The following STX3 variants were observed in gnomAD, a reference collection of about 807,000 sequenced individuals.
The protein encoded by STX3 is syntaxin-3.
STX3 carries 19 observed loss-of-function variants against 40.2 expected under a neutral mutation model. The observed-to-expected ratio is 0.47, with a 90% confidence interval of 0.33 to 0.69. The LOEUF (loss-of-function observed/expected upper bound fraction) is 0.69. STX3 is among the 30% of genes least tolerant of loss of function. The probability of loss-of-function intolerance (pLI) is 0.02; values close to 1 mark genes in which losing one functional copy is unlikely to be tolerated. For synonymous variants in STX3, 122 were observed against 132.2 expected, an observed-to-expected ratio of 0.92 and a Z score of 0.53; for missense variants, 364 against 366.7, an observed-to-expected ratio of 0.99 and a Z score of 0.06.
At chr11:59,781,100 T>TTTTTTTTTTTTTTATA (rs963410109) in intron 2 of STX3, among the ~76,000 whole-genome samples, 5 of 146,310 alleles carry the variant, frequency 3.4e-5, no homozygotes, top group Admixed American at 6.8e-5. Context: ...TTTTTTTTTT[T>TTTTTTTTTTTTTTATA]TATATTAGCA....
intron 2 of STX3, among the ~76,000 whole-genome samples, chr11:59,777,719 G>C (rs1258718684): frequency 6.6e-6 from 1 of 151,852 alleles, no homozygotes; most frequent in East Asian, 1.9e-4. Context: ...TCTTAGGATT[G>C]TGAGAGAGAG....
intron 2 of STX3, among the ~76,000 whole-genome samples, chr11:59,779,945 A>G (rs1864246769): frequency 6.6e-6 from 1 of 152,222 alleles, no homozygotes. Context: ...TAATTCTTTA[A>G]GTAGAATATT....
chr11:59,780,299 C>T (rs1343927000), intron 2 of STX3, among the ~76,000 whole-genome samples: 8 of 152,082 alleles, frequency 5.3e-5, no homozygotes, highest in South Asian at 4.1e-4. Context: ...TAAAAAGAGA[C>T]GTGAGAAAGA....
In STX3 at chr11:59,795,359, C is replaced by A; in HGVS notation, c.676-13C>A. ...GACGTTTACTTGGTGTGATCAGAGT[C>A]TGTTCTTTGCAGGGTGAGATGTTAG... is the stretch of plus-strand genomic sequence containing the variant. On this transcript the variant is annotated splice_polypyrimidine_tract_variant and intron_variant, in intron 8 of 10. Transcript: ENST00000337979. 1.2e-6 allele frequency: 2 copies of A among 1,606,030 alleles called. No homozygotes were observed. Among genetic ancestry groups the A allele is most frequent in the Non-Finnish European group, 1.7e-6 (2 of 1,174,762 alleles).
intron 2 of STX3, among the ~76,000 whole-genome samples, chr11:59,786,425 A>AT (rs1463606228): frequency 1.7e-5 from 2 of 116,134 alleles, no homozygotes; most frequent in Middle Eastern, 4.1e-3. Flanking sequence ...TTTTTTTTGC[A>AT]TTTTTTAGTA....
Position 59,801,923 on chromosome 11 carries a change from C to T in STX3, c.*1099C>T. The T allele has an allele frequency of 2.0e-6, 2 of 985,388 alleles. No homozygotes were observed. The highest frequency in any genetic ancestry group is 2.4e-6 in the Non-Finnish European group (2 of 829,926). 61.0% of individuals were successfully genotyped at this position (985,388 alleles called of 1,614,324 possible). On this transcript the variant is annotated 3_prime_UTR_variant, in exon 11 of 11. Coordinates refer to ENST00000337979, the MANE Select transcript of STX3 (RefSeq NM_004177.5). ...TGGAAATGTGATCTTCCCATATCAT[C>T]AAGAAACTTGTTTTCTGGATGAATA...
intron 1 of STX3, among the ~76,000 whole-genome samples, 198 bp from the exon 2 acceptor site, chr11:59,773,013 A>AC (rs397940809): frequency 2.7e-5 from 4 of 148,632 alleles, no homozygotes; most frequent in East Asian, 1.9e-4. Flanking sequence ...ACACACACAC[A>AC]ACCCAGCAAT....
chr11:59,793,179 G>T lies in STX3; in HGVS notation c.540+7G>T. The T allele has an allele frequency of 6.2e-7, 1 of 1,612,878 alleles. No individual in the cohort carries two copies. The highest frequency in any genetic ancestry group is 2.2e-5 in the East Asian group (1 of 44,866). ...GGCCATCTTCACTTCTGGGGTGAGT[G>T]CCCTGTGTGCTCGGATAGCACATCC... On this transcript the variant is annotated splice_region_variant and intron_variant, in intron 7 of 10. Coordinates refer to ENST00000337979, the MANE Select transcript of STX3 (RefSeq NM_004177.5).
Position 59,762,295 on chromosome 11 carries a change from C to T in STX3, c.30+6660C>T, listed in dbSNP as rs761643819. ...CTCCAGATGGCTGAGGACAAAGTCC[C>T]GGCAGCCAGCTGCCCAGGCACCCCT... On this transcript the variant is annotated intron_variant, in intron 1 of 10. Transcript: ENST00000337979. Among the ~76,000 whole-genome samples the T allele has an allele frequency of 1.8e-4, 27 of 152,346 alleles. 1 individual carries two copies. Among genetic ancestry groups the T allele is most frequent in the East Asian group, 7.7e-4 (4 of 5,180 alleles).
At chr11:59,766,094 G>T (rs1863269236) in intron 1 of STX3, among the ~76,000 whole-genome samples, 1 of 152,124 alleles carries the variant, frequency 6.6e-6, no homozygotes, top group Non-Finnish European at 1.5e-5. Context: ...TTTCCTGGGG[G>T]CTCCTGGGCT....
In STX3 at chr11:59,793,429, G is replaced by T. The variant is rs368588524; in HGVS notation, c.590G>T (p.Arg197Leu). Residue 197 changes from arginine to leucine, a missense_variant, in exon 8 of 11, where the codon CGA (arginine) becomes CTA (leucine). Transcript: ENST00000337979. ...SKQALSEIEG[R>L]HKDIVRLESS... ...CAAGCCCTCAGTGAGATTGAGGGAC[G>T]ACACAAGGACATTGTGAGGCTGGAG... 141 of 1,614,026 alleles carry T rather than the reference G, an allele frequency of 8.7e-5. No homozygotes were observed. The highest frequency in any genetic ancestry group is 1.2e-4 in the Non-Finnish European group (139 of 1,180,030).
intron 1 of STX3, among the ~76,000 whole-genome samples, chr11:59,756,464 A>T (rs910001923): frequency 6.6e-6 from 1 of 152,208 alleles, no homozygotes; most frequent in African/African-American, 2.4e-5. Context: ...TCCAGTGCTA[A>T]GCCTTGGAGA....
intron 1 of STX3, among the ~76,000 whole-genome samples, chr11:59,768,183 A>G (rs1863375848): frequency 6.6e-6 from 1 of 152,174 alleles, no homozygotes; most frequent in African/African-American, 2.4e-5. Flanking sequence ...AGTAAAACCA[A>G]AGAGTACGTT....
At position 59,802,272 on chromosome 11, in the gene STX3, A is replaced by T; in HGVS notation, c.*1448A>T. 1.0e-6 allele frequency: 1 copy of T among 985,476 alleles called. No homozygotes were observed. Among genetic ancestry groups the T allele is most frequent in the Non-Finnish European group, 1.2e-6 (1 of 829,970 alleles). 61.0% of individuals were successfully genotyped at this position (985,476 alleles called of 1,614,324 possible). The stretch of plus-strand genomic sequence containing the variant: ...CAGCCGCTAGGAAATCTTCAAGTGT[A>T]GTGTCTGTGCTAACCCAGTGGTAAA... On this transcript the variant is annotated 3_prime_UTR_variant, in exon 11 of 11. Transcript: ENST00000337979.
chr11:59,762,333 G>A (rs1214948194), intron 1 of STX3, among the ~76,000 whole-genome samples: 1 of 152,226 alleles, frequency 6.6e-6, no homozygotes, highest in Non-Finnish European at 1.5e-5. Flanking sequence ...TAGCTCAGGT[G>A]CCCACTGTCT....
At chr11:59,784,274 G>A (rs1421691163) in intron 2 of STX3, among the ~76,000 whole-genome samples, 1 of 152,212 alleles carries the variant, frequency 6.6e-6, no homozygotes, top group Non-Finnish European at 1.5e-5. Flanking sequence ...TTCATGACTT[G>A]TTAAAATTTA....
At position 59,784,680 on chromosome 11, in the gene STX3, T is replaced by A. The variant is rs570888186; in HGVS notation, c.115-2357T>A. ...AAGAGAGCTTGTGCAGGGAAACTCC[T>A]GTTTTTAAAACCATCAGATCTTGTG... On this transcript the variant is annotated intron_variant, in intron 2 of 10. Transcript: ENST00000337979. Among the ~76,000 whole-genome samples the A allele has an allele frequency of 2.0e-5, 3 of 152,346 alleles. No individual in the cohort carries two copies. The East Asian group carries it at 5.8e-4, about 29-fold the overall frequency.
rs114165244 is a variant in STX3 at position 59,790,514 on chromosome 11, T to C, written c.290-5T>C. ...TTGCAAGTATAACCTTCCTCTCCTCTTTAGGCATGGAGAAGCATATTGAAG... is the reference window on the plus strand; with the variant it reads ...TTGCAAGTATAACCTTCCTCTCCTCCTTAGGCATGGAGAAGCATATTGAAG... On this transcript the variant is annotated splice_region_variant and splice_polypyrimidine_tract_variant and intron_variant, in intron 4 of 10. Transcript: ENST00000337979. The C allele has an allele frequency of 1.4e-3, 2,304 of 1,612,402 alleles. 21 individuals carry two copies. In the African/African-American group the frequency reaches 0.025, roughly 18 times the overall value.
chr11:59,800,520 G>A (rs933115688), intron 10 of STX3: 2 of 985,304 alleles, frequency 2.0e-6, no homozygotes, highest in African/African-American at 3.5e-5. Flanking sequence ...AGCTCCTGCA[G>A]CCTGTCTTCA....
Sources: allele counts gnomAD v4.1 joint callset (sites outside exome capture counted in the v4.1 genomes callset), GRCh38; gene constraint gnomAD v4.1.1; transcripts MANE v1.5; gene names NCBI Gene and HGNC (gene_info 2026-07-23, HGNC 2026-07-21).